The following SOX5 variants were observed in gnomAD, a reference collection of about 807,000 sequenced individuals.
The protein encoded by SOX5 is SRY-box transcription factor 5, also known as transcription factor SOX-5.
In SOX5, 9 loss-of-function variants were observed where a neutral mutation model predicts 92.0. That is an observed-to-expected ratio of 0.10 (90% CI 0.06 to 0.17). The LOEUF is 0.17. Among genes scored for constraint, SOX5 ranks in the 10% least tolerant of loss-of-function variants. The probability of loss-of-function intolerance (pLI) is 1.00; values close to 1 mark genes in which losing one functional copy is unlikely to be tolerated. For missense variants in SOX5, 642 were observed against 944.5 expected, an observed-to-expected ratio of 0.68 and a Z score of 4.20; for synonymous variants, 344 against 336.3, an observed-to-expected ratio of 1.02 and a Z score of -0.25.
At chr12:24,461,589 C>G (rs1459309328) in intron 1 of SOX5, among the ~76,000 whole-genome samples, 1 of 152,058 alleles carries the variant, frequency 6.6e-6, no homozygotes, top group African/African-American at 2.4e-5. Flanking sequence ...AGTCCTTTAC[C>G]ATATACAGGC....
chr12:24,552,165 A>G (rs1276207359), intron 1 of SOX5, among the ~76,000 whole-genome samples: 1 of 152,118 alleles, frequency 6.6e-6, no homozygotes, highest in Non-Finnish European at 1.5e-5. Flanking sequence ...TACTCAAATT[A>G]CTAAAGGCTC....
intron 1 of SOX5, among the ~76,000 whole-genome samples, chr12:24,446,576 A>G (rs1941506281): frequency 6.6e-6 from 1 of 152,186 alleles, no homozygotes; most frequent in African/African-American, 2.4e-5. Flanking sequence ...CATGGGGAAG[A>G]GTGACATGAC....
At chr12:24,131,596 A>G (rs1650419558) in intron 4 of SOX5, among the ~76,000 whole-genome samples, 1 of 152,216 alleles carries the variant, frequency 6.6e-6, no homozygotes. Context: ...AACTTTACAT[A>G]TATTTATAAT....
At chr12:23,537,737 C>T (rs1338896392) in intron 13 of SOX5, among the ~76,000 whole-genome samples, 1 of 151,448 alleles carries the variant, frequency 6.6e-6, no homozygotes, top group Non-Finnish European at 1.5e-5. Context: ...TGGTTTAAAA[C>T]TTGGATTCTG....
At chr12:23,590,057 A>T (rs1951308722) in intron 9 of SOX5, among the ~76,000 whole-genome samples, 2 of 152,016 alleles carry the variant, frequency 1.3e-5, no homozygotes, top group Admixed American at 1.3e-4. Context: ...CTATATAGAA[A>T]TGACGGTTTA....
chr12:24,519,234 C>T (rs1429278213), intron 1 of SOX5, among the ~76,000 whole-genome samples: 1 of 152,166 alleles, frequency 6.6e-6, no homozygotes, highest in Non-Finnish European at 1.5e-5. Context: ...TTACTGAGCA[C>T]TCTTCTAAGT....
At chr12:24,096,558 T>G (rs1416753751) in intron 4 of SOX5, among the ~76,000 whole-genome samples, 1 of 152,232 alleles carries the variant, frequency 6.6e-6, no homozygotes, top group Non-Finnish European at 1.5e-5. Context: ...ACAATATTTG[T>G]ACTTTTATGA....
intron 1 of SOX5, among the ~76,000 whole-genome samples, chr12:24,443,244 C>A (rs1051368652): frequency 6.6e-6 from 1 of 152,184 alleles, no homozygotes; most frequent in Non-Finnish European, 1.5e-5. Flanking sequence ...TGAGCCACCA[C>A]GCCCGGCCAG....
chr12:24,183,589 G>T (rs1184139469), intron 4 of SOX5, among the ~76,000 whole-genome samples: 1 of 152,000 alleles, frequency 6.6e-6, no homozygotes, highest in Non-Finnish European at 1.5e-5. Context: ...AATTATTTTA[G>T]ATTGAAAGCA....
rs1467427723 is a variant in SOX5 at position 23,534,118 on chromosome 12, ACAGT to A, written c.*97_*100del. On this transcript the variant is annotated 3_prime_UTR_variant, in exon 15 of 15. Transcript: ENST00000451604. ...CTATTTAAGACTAACAGTTAAAGTA[ACAGT>A]CAGTGTATGAGAAAGTTAATGTGCT... is the stretch of plus-strand genomic sequence containing the variant. 4.3e-6 allele frequency: 4 copies of A among 929,548 alleles called. No individual in the cohort carries two copies. Among genetic ancestry groups the A allele is most frequent in the Non-Finnish European group, 6.7e-6 (4 of 595,860 alleles). 57.6% of individuals were successfully genotyped at this position (929,548 alleles called of 1,614,324 possible). A position where few individuals can be genotyped will look rare whatever the true frequency, so the allele number is the denominator to read the frequency against.
intron 4 of SOX5, among the ~76,000 whole-genome samples, chr12:23,999,177 T>TGTGTGC (rs1569452779): frequency 7.1e-6 from 1 of 139,988 alleles, no homozygotes; most frequent in East Asian, 2.2e-4. Flanking sequence ...TGTGTGTGTG[T>TGTGTGC]ACCATTGCTT....
intron 3 of SOX5, among the ~76,000 whole-genome samples, chr12:24,266,052 G>C (rs981794969): frequency 2.3e-4 from 34 of 144,752 alleles, no homozygotes; most frequent in African/African-American, 8.2e-4. Flanking sequence ...GTGTGTGTGT[G>C]TGTGTGTGTG....
chr12:24,409,558 A>C (rs1963674250), intron 1 of SOX5, among the ~76,000 whole-genome samples: 1 of 152,144 alleles, frequency 6.6e-6, no homozygotes, highest in South Asian at 2.1e-4. Flanking sequence ...TCTGAGATAA[A>C]TGTCCAGGAG....
intron 3 of SOX5, among the ~76,000 whole-genome samples, chr12:24,267,768 T>C (rs1943204504): frequency 6.6e-6 from 1 of 152,196 alleles, no homozygotes; most frequent in Non-Finnish European, 1.5e-5. Context: ...TATTTGGAAG[T>C]AAAAATCCTC....
chr12:23,609,402 T>C (rs532091045), intron 8 of SOX5, among the ~76,000 whole-genome samples: 1 of 152,310 alleles, frequency 6.6e-6, no homozygotes, highest in South Asian at 2.1e-4. Context: ...ATTATCAACA[T>C]TTAACAGTGA....
chr12:23,682,119 T>C (rs1405875564), intron 6 of SOX5, among the ~76,000 whole-genome samples: 1 of 151,756 alleles, frequency 6.6e-6, no homozygotes, highest in Non-Finnish European at 1.5e-5. Context: ...ATCCAATAAT[T>C]ACAGAATACA....
chr12:23,979,609 G>GT (rs1270790205), intron 4 of SOX5, among the ~76,000 whole-genome samples: 3 of 132,590 alleles, frequency 2.3e-5, no homozygotes, highest in South Asian at 2.5e-4. Flanking sequence ...ACATCTTAAT[G>GT]TTTTTTCTTT....
rs1446364640 is a variant in SOX5 at position 24,007,138 on chromosome 12, AAAAT to A, written c.-1-111118_-1-111115del. Among the ~76,000 whole-genome samples, 143 of 53,598 alleles carry A rather than the reference AAAAT, an allele frequency of 2.7e-3. 6 individuals are homozygous for A. Among genetic ancestry groups the A allele is most frequent in the Admixed American group, 3.6e-3 (12 of 3,352 alleles). 35.2% of individuals were successfully genotyped at this position (53,598 alleles called of 152,430 possible). ...ACAGAGCGAGACTCCATCTCAAAAA[AAAAT>A]ATATATATATATATATATACATTTA... On this transcript the variant is annotated intron_variant, in intron 4 of 4. Coordinates refer to the SOX5 transcript ENST00000446891.
At chr12:24,246,383 A>C (rs1415460726) in intron 3 of SOX5, among the ~76,000 whole-genome samples, 1 of 152,176 alleles carries the variant, frequency 6.6e-6, no homozygotes, top group Non-Finnish European at 1.5e-5. Flanking sequence ...CTTAAAAAAA[A>C]ATTCAAGGAA....
Sources: allele counts gnomAD v4.1 joint callset (sites outside exome capture counted in the v4.1 genomes callset), GRCh38; gene constraint gnomAD v4.1.1; transcripts MANE v1.5; gene names NCBI Gene and HGNC (gene_info 2026-07-23, HGNC 2026-07-21).